HSF2BP: variants seen among roughly 807,000 people sequenced by gnomAD.
HSF2BP encodes the protein heat shock factor 2-binding protein.
HSF2BP carries 35 observed loss-of-function variants against 35.0 expected under a neutral mutation model. That is an observed-to-expected ratio of 1.00 (90% confidence interval 0.76 to 1.32). HSF2BP has a LOEUF of 1.32. HSF2BP is among the 40% of genes most tolerant of loss of function. The probability of loss-of-function intolerance (pLI) is 0.00; values close to 1 mark genes in which losing one functional copy is unlikely to be tolerated. For missense variants in HSF2BP, 326 were observed against 321.7 expected (o/e 1.01, Z -0.10); for synonymous variants, 114 against 117.4 (o/e 0.97, Z 0.18).
rs1309585848 is a variant in HSF2BP, at chr21:43,655,526, A to T, written c.187+1061T>A. ...AGTCCAGCAAGAGCTAGGACTACGG[A>T]AGAGGCCTCTAGACAGGAGTCTCTG... On this transcript the variant is annotated intron_variant, in intron 3 of 8. Transcript: ENST00000291560. 2.0e-5 allele frequency among the ~76,000 whole-genome samples: 3 copies of T among 152,314 alleles called. No homozygotes were observed. In the South Asian group the frequency reaches 6.2e-4, roughly 32 times the overall value.
At chr21:43,598,382 T>G (rs1251653828) in intron 7 of HSF2BP, among the ~76,000 whole-genome samples, 6 of 79,350 alleles carry the variant, frequency 7.6e-5, no homozygotes, top group African/African-American at 1.3e-4. Context: ...TTTTTGTGGG[T>G]TTTTTTGTTT....
chr21:43,636,204 GAAAGAAAAGAAAAGAAAAGAAAAGA>G (rs200084779), intron 4 of HSF2BP, among the ~76,000 whole-genome samples: 4,900 of 106,864 alleles, frequency 0.046, 271 homozygotes, highest in African/African-American at 0.12. Flanking sequence ...AGAAAAAAAA[GAAAGAAAAGAAAAGAAAAGAAAAGA>G]AAAGAAAAGA....
At chr21:43,635,883 C>T (rs1178451231) in intron 4 of HSF2BP, among the ~76,000 whole-genome samples, 1 of 143,796 alleles carries the variant, frequency 7.0e-6, no homozygotes, top group Non-Finnish European at 1.5e-5. Context: ...GAGCCGAGAT[C>T]GTGCCACTGC....
chr21:43,574,727 C>G (rs2081620039), intron 8 of HSF2BP, among the ~76,000 whole-genome samples: 1 of 152,204 alleles, frequency 6.6e-6, no homozygotes, highest in South Asian at 2.1e-4. Context: ...ACGACGCACA[C>G]TGAGACCACA....
intron 7 of HSF2BP, among the ~76,000 whole-genome samples, chr21:43,612,796 G>C (rs879876686): frequency 3.9e-5 from 6 of 151,916 alleles, no homozygotes; most frequent in Non-Finnish European, 5.9e-5. Context: ...GTAGAGACTC[G>C]GTCTCTTTAA....
At chr21:43,638,916 G>A (rs907325848) in intron 4 of HSF2BP, among the ~76,000 whole-genome samples, 3 of 152,182 alleles carry the variant, frequency 2.0e-5, no homozygotes, top group African/African-American at 4.8e-5. Context: ...TTACTATGTC[G>A]CTACAGTAAT....
intron 3 of HSF2BP, among the ~76,000 whole-genome samples, chr21:43,649,238 T>TG (rs1054329425): frequency 2.0e-5 from 3 of 151,890 alleles, no homozygotes; most frequent in African/African-American, 7.3e-5. Flanking sequence ...TTTTTCAGTT[T>TG]GGGGTTTTTT....
At chr21:43,616,657 A>C (rs2082274617) in intron 6 of HSF2BP, among the ~76,000 whole-genome samples, 1 of 144,662 alleles carries the variant, frequency 6.9e-6, no homozygotes, top group Admixed American at 6.9e-5. Flanking sequence ...AAAAAGAAAA[A>C]ACACGGTGGC....
intron 7 of HSF2BP, among the ~76,000 whole-genome samples, chr21:43,600,665 C>T (rs1481656093): frequency 2.0e-5 from 3 of 152,178 alleles, no homozygotes; most frequent in Admixed American, 6.5e-5. Context: ...ATGTCATCCT[C>T]AAATATCTGT....
chr21:43,467,660 T>G, the HSF2BP span, among the ~76,000 whole-genome samples: 1 of 151,352 alleles, frequency 6.6e-6, no homozygotes, highest in Non-Finnish European at 1.5e-5. Flanking sequence ...TCCGCAAGGA[T>G]GGGGATGGGG....
the HSF2BP span, among the ~76,000 whole-genome samples, chr21:43,505,397 T>G: frequency 1.8e-5 from 2 of 112,100 alleles, no homozygotes; most frequent in Admixed American, 1.8e-4. Flanking sequence ...GCACTGGTGC[T>G]GTCGCTGTGG....
At chr21:43,587,006 C>T (rs2146755163) in intron 8 of HSF2BP, among the ~76,000 whole-genome samples, 1 of 152,144 alleles carries the variant, frequency 6.6e-6, no homozygotes, top group Non-Finnish European at 1.5e-5. Context: ...ATAGAAGAAG[C>T]CAGTTTTCAA....
chr21:43,451,884 C>T, the HSF2BP span: 1 of 32,834 alleles, frequency 3.0e-5, no homozygotes, highest in African/African-American at 5.7e-5. Flanking sequence ...GGATCACACA[C>T]TCCTATCTCT....
chr21:43,638,409 G>C (rs1601710016), intron 4 of HSF2BP, among the ~76,000 whole-genome samples: 1 of 152,112 alleles, frequency 6.6e-6, no homozygotes, highest in African/African-American at 2.4e-5. Flanking sequence ...AGTGAGCTGC[G>C]ATCACACCAC....
At chr21:43,583,678 C>T (rs1490711396) in intron 8 of HSF2BP, among the ~76,000 whole-genome samples, 1 of 135,412 alleles carries the variant, frequency 7.4e-6, no homozygotes, top group Non-Finnish European at 1.6e-5. Context: ...TGAGGACCTG[C>T]TGAGAGAGAT....
chr21:43,646,994 GAATATAGTAGGC>G (rs2082717338), intron 3 of HSF2BP, among the ~76,000 whole-genome samples: 1 of 152,146 alleles, frequency 6.6e-6, no homozygotes, highest in African/African-American at 2.4e-5. Flanking sequence ...TGTCTATATG[GAATATAGTAGGC>G]AATACATAAA....
intron 7 of HSF2BP, among the ~76,000 whole-genome samples, chr21:43,604,859 C>T (rs1162137579): frequency 7.4e-6 from 1 of 134,932 alleles, no homozygotes; most frequent in African/African-American, 2.8e-5. Flanking sequence ...CACACCACAC[C>T]CACACACCAC....
intron 4 of HSF2BP, among the ~76,000 whole-genome samples, chr21:43,634,319 G>C (rs543570655): frequency 1.3e-5 from 2 of 152,294 alleles, no homozygotes; most frequent in East Asian, 3.9e-4. Flanking sequence ...CTGCTAGAGT[G>C]ATGGGGGGCT....
chr21:43,609,493 G>T (rs2082176602), intron 7 of HSF2BP, among the ~76,000 whole-genome samples: 1 of 152,066 alleles, frequency 6.6e-6, no homozygotes, highest in Non-Finnish European at 1.5e-5. Context: ...CTATCTCTGG[G>T]TCTAAGGTAC....
Sources: allele counts gnomAD v4.1 joint callset (sites outside exome capture counted in the v4.1 genomes callset), GRCh38; gene constraint gnomAD v4.1.1; transcripts MANE v1.5; gene names NCBI Gene and HGNC (gene_info 2026-07-23, HGNC 2026-07-21).